The following RBFOX1 variants were observed in gnomAD, a reference collection of about 807,000 sequenced individuals.
RBFOX1 encodes the protein RNA binding fox-1 homolog 1, also known as RNA binding protein fox-1 homolog 1.
RBFOX1 carries 8 observed loss-of-function variants against 57.7 expected under a neutral mutation model. That is an observed-to-expected ratio of 0.14 (90% CI 0.08 to 0.25). The LOEUF is 0.25. Ranked by LOEUF, RBFOX1 falls within the 10% of genes least tolerant of loss-of-function variation. The probability of loss-of-function intolerance (pLI) is 1.00; values close to 1 mark genes in which losing one functional copy is unlikely to be tolerated. For missense variants in RBFOX1, 611 were observed against 548.5 expected (o/e 1.11, Z -1.14); for synonymous variants, 326 against 222.4 (o/e 1.47, Z -4.15).
At chr16:6,827,133 A>G (rs541599512) in intron 3 of RBFOX1, among the ~76,000 whole-genome samples, 1 of 152,284 alleles carries the variant, frequency 6.6e-6, no homozygotes, top group African/African-American at 2.4e-5. Flanking sequence ...AGTGAATATA[A>G]GATATACCAT....
chr16:6,969,608 A>G (rs775530135), intron 3 of RBFOX1, among the ~76,000 whole-genome samples: 11 of 151,984 alleles, frequency 7.2e-5, no homozygotes, highest in African/African-American at 1.7e-4. Flanking sequence ...GTTGGGCATT[A>G]TGGTGCATGC....
At chr16:7,618,454 T>C (rs750500994) in intron 10 of RBFOX1, among the ~76,000 whole-genome samples, 10 of 152,196 alleles carry the variant, frequency 6.6e-5, no homozygotes, top group Non-Finnish European at 1.2e-4. Flanking sequence ...ACAAAGGCTA[T>C]TGTGAAACTT....
intron 1 of RBFOX1, among the ~76,000 whole-genome samples, chr16:5,466,987 A>G (rs1336463391): frequency 1.3e-5 from 2 of 152,006 alleles, no homozygotes; most frequent in South Asian, 2.1e-4. Flanking sequence ...GTTCTCCCCC[A>G]TCTTCCTTCT....
rs975978354 is a variant in RBFOX1 at position 6,668,593 on chromosome 16, G to A, written c.-16+13943G>A. On this transcript the variant is annotated intron_variant, in intron 3 of 15. Coordinates refer to ENST00000550418, the MANE Select transcript of RBFOX1 (RefSeq NM_018723.4). ...CTAGCCTTTCCTAGGTGCTCGAGAA[G>A]CCTTCTCTGTTGATTACATTATGGT... 3.3e-5 allele frequency among the ~76,000 whole-genome samples: 5 copies of A among 152,260 alleles called. No homozygotes were observed. In the South Asian group the frequency reaches 1.0e-3, roughly 32 times the overall value.
chr16:5,684,946 C>G (rs1244041984), intron 3 of RBFOX1, among the ~76,000 whole-genome samples: 1 of 152,150 alleles, frequency 6.6e-6, no homozygotes, highest in Non-Finnish European at 1.5e-5. Flanking sequence ...TATATTATCT[C>G]CCAGGCACAG....
intron 4 of RBFOX1, among the ~76,000 whole-genome samples, chr16:5,962,957 G>A: frequency 6.6e-6 from 1 of 151,726 alleles, no homozygotes; most frequent in Admixed American, 6.6e-5. Flanking sequence ...TCTAATCCTT[G>A]GGAAGTAATT....
intron 1 of RBFOX1, among the ~76,000 whole-genome samples, chr16:6,183,482 A>ATATT (rs2097081724): frequency 9.7e-6 from 1 of 102,580 alleles, no homozygotes; most frequent in Non-Finnish European, 1.9e-5. Context: ...TCCATCTAAA[A>ATATT]AAATTAAATA....
intron 3 of RBFOX1, among the ~76,000 whole-genome samples, chr16:5,619,205 G>A (rs772245816): frequency 3.3e-5 from 5 of 152,150 alleles, no homozygotes; most frequent in Non-Finnish European, 7.3e-5. Flanking sequence ...AACAGTGTTG[G>A]CCCCACTCTC....
chr16:7,683,405 C>A (rs2075354367), intron 14 of RBFOX1, among the ~76,000 whole-genome samples: 2 of 151,774 alleles, frequency 1.3e-5, no homozygotes, highest in Admixed American at 6.6e-5. Context: ...GCCTTTGGTC[C>A]ATAATCTATA....
intron 1 of RBFOX1, among the ~76,000 whole-genome samples, chr16:6,166,272 T>C (rs984281394): frequency 1.3e-5 from 2 of 152,044 alleles, no homozygotes; most frequent in African/African-American, 2.4e-5. Context: ...GTTGACTCTA[T>C]GCACATAAGG....
intron 3 of RBFOX1, among the ~76,000 whole-genome samples, chr16:5,754,246 AC>A (rs2053318956): frequency 6.6e-6 from 1 of 152,164 alleles, no homozygotes; most frequent in South Asian, 2.1e-4. Context: ...TAATAATGGT[AC>A]CTTCCCTGTA....
At chr16:6,759,500 TG>T in intron 3 of RBFOX1, among the ~76,000 whole-genome samples, 1 of 150,048 alleles carries the variant, frequency 6.7e-6, no homozygotes, top group Non-Finnish European at 1.5e-5. Flanking sequence ...TGTGTGTGTG[TG>T]TGTGTGTGTG....
intron 1 of RBFOX1, among the ~76,000 whole-genome samples, chr16:6,111,446 T>G (rs1350606970): frequency 1.3e-5 from 2 of 152,178 alleles, no homozygotes; most frequent in East Asian, 3.9e-4. Context: ...ACCTTTTGAG[T>G]TAAGGAGTTT....
chr16:6,305,399 G>C (rs1398914326), intron 1 of RBFOX1, among the ~76,000 whole-genome samples: 1 of 152,116 alleles, frequency 6.6e-6, no homozygotes, highest in Non-Finnish European at 1.5e-5. Context: ...GTTAACATGA[G>C]ATGCTCCTCC....
chr16:7,253,066 C>T (rs545315309), intron 4 of RBFOX1, among the ~76,000 whole-genome samples: 1 of 152,178 alleles, frequency 6.6e-6, no homozygotes, highest in Non-Finnish European at 1.5e-5. Context: ...CATTTACGCT[C>T]TTATAATTAC....
At chr16:6,617,183 G>T (rs986963986) in intron 2 of RBFOX1, among the ~76,000 whole-genome samples, 4 of 151,856 alleles carry the variant, frequency 2.6e-5, no homozygotes, top group African/African-American at 9.7e-5. Flanking sequence ...TGTCCACCTT[G>T]ATCTCATCTG....
At position 5,492,248 on chromosome 16, in the gene RBFOX1, A is replaced by G. The variant is rs1432707286; in HGVS notation, c.258+24994A>G. Among the ~76,000 whole-genome samples the G allele has an allele frequency of 2.0e-5, 3 of 152,192 alleles. No individual in the cohort carries two copies. In the East Asian group the frequency reaches 5.8e-4, roughly 29 times the overall value. ...TCAGTAAGTATTTGCTGATGAGAGGAAACCCACAGGTCACAGGTACCTGTT... is the reference window on the plus strand; with the variant it reads ...TCAGTAAGTATTTGCTGATGAGAGGGAACCCACAGGTCACAGGTACCTGTT... On this transcript the variant is annotated intron_variant, in intron 2 of 2. Transcript: ENST00000585867.
At chr16:7,700,365 A>G (rs2080268094) in intron 14 of RBFOX1, among the ~76,000 whole-genome samples, 1 of 152,194 alleles carries the variant, frequency 6.6e-6, no homozygotes, top group African/African-American at 2.4e-5. Flanking sequence ...TATAGATGGT[A>G]TAACCAACTC....
At chr16:6,817,532 T>TTA (rs777254877) in intron 3 of RBFOX1, among the ~76,000 whole-genome samples, 4 of 127,586 alleles carry the variant, frequency 3.1e-5, no homozygotes, top group African/African-American at 1.2e-4. Flanking sequence ...TTTCTTTGCT[T>TTA]AAAAAAAAAA....
Sources: gnomAD v4.1 joint callset for allele counts (sites outside exome capture counted in the v4.1 genomes callset) on GRCh38, gnomAD v4.1.1 for gene constraint, MANE v1.5 for transcripts, NCBI Gene and HGNC (gene_info 2026-07-23, HGNC 2026-07-21) for gene names.